Variants in CPVL observed in about 807,000 individuals in gnomAD.
The protein encoded by CPVL is carboxypeptidase vitellogenic like.
CPVL carries 51 observed loss-of-function variants against 63.7 expected under a neutral mutation model. The observed-to-expected ratio is 0.80, with a 90% CI of 0.64 to 1.01. The LOEUF is 1.01. Among genes scored for constraint, CPVL ranks in the 50% least tolerant of loss-of-function variants. CPVL has a pLI of 0.00. For synonymous variants in CPVL, 195 were observed against 206.0 expected (o/e 0.95, Z 0.46); for missense variants, 530 against 573.1 (o/e 0.92, Z 0.77).
chr7:29,128,966 G>C (rs1790385139), intron 1 of CPVL, among the ~76,000 whole-genome samples: 1 of 152,110 alleles, frequency 6.6e-6, no homozygotes, highest in African/African-American at 2.4e-5. Flanking sequence ...AGATAAAGCA[G>C]AGCTCCTAGA....
chr7:29,183,526 G>A lies in CPVL; in HGVS notation c.-134+895C>T, dbSNP rs149782461. Among the ~76,000 whole-genome samples the A allele has an allele frequency of 1.2e-4, 18 of 151,502 alleles. No homozygotes were observed. In the East Asian group the frequency reaches 3.5e-3, roughly 30 times the overall value. On this transcript the variant is annotated intron_variant, in intron 4 of 16. Transcript: ENST00000409850. The stretch of plus-strand genomic sequence containing the variant: ...CAAGTAGCTGGGTTTACAAGTGTGT[G>A]CCACCACACCTGGCTAACTTTTGTA...
intron 1 of CPVL, among the ~76,000 whole-genome samples, chr7:29,186,763 A>G (rs1168744251): frequency 6.6e-6 from 1 of 152,184 alleles, no homozygotes; most frequent in East Asian, 1.9e-4. Context: ...TGAAATTTCA[A>G]GTAAAAACTA....
intron 12 of CPVL, chr7:29,012,270 T>C (rs932380495): frequency 2.0e-5 from 3 of 152,188 alleles, no homozygotes; most frequent in Non-Finnish European, 4.4e-5. Flanking sequence ...CTGCAAACCA[T>C]CACTCTGGAT....
At chr7:29,119,128 C>G (rs534051931) in intron 2 of CPVL, among the ~76,000 whole-genome samples, 15 of 152,328 alleles carry the variant, frequency 9.8e-5, no homozygotes, top group African/African-American at 3.4e-4. Flanking sequence ...AGCTTAGGAA[C>G]CTACTGAAGT....
intron 2 of CPVL, among the ~76,000 whole-genome samples, chr7:29,120,448 A>AAT (rs745448244): frequency 0.019 from 2,817 of 147,566 alleles, 94 homozygotes; most frequent in African/African-American, 0.066. Flanking sequence ...AAACAAACAA[A>AAT]ATATATATAT....
At chr7:29,154,456 C>A (rs1276323773) in intron 5 of CPVL, among the ~76,000 whole-genome samples, 3 of 152,106 alleles carry the variant, frequency 2.0e-5, no homozygotes, top group African/African-American at 7.2e-5. Context: ...AAACTGGATT[C>A]TTTTTCAAAA....
At chr7:29,018,378 C>CTTT (rs70977092) in intron 12 of CPVL, among the ~76,000 whole-genome samples, 8,296 of 123,874 alleles carry the variant, frequency 0.067, 428 homozygotes, top group Middle Eastern at 0.082. Flanking sequence ...AATTTTTAAT[C>CTTT]TTTTTTTTTT....
intron 2 of CPVL, among the ~76,000 whole-genome samples, chr7:29,118,397 A>G (rs961793171): frequency 2.0e-4 from 30 of 152,356 alleles, no homozygotes; most frequent in African/African-American, 3.6e-4. Flanking sequence ...ATGTAATCCA[A>G]TTTGGAGGGT....
intron 11 of CPVL, among the ~76,000 whole-genome samples, chr7:29,054,022 T>A (rs1032617726): frequency 1.3e-5 from 2 of 151,992 alleles, no homozygotes; most frequent in East Asian, 3.9e-4. Context: ...CAGTAAGATA[T>A]GACCACACCA....
chr7:29,187,667 G>T (rs1291935980), intron 1 of CPVL, among the ~76,000 whole-genome samples: 2 of 152,046 alleles, frequency 1.3e-5, no homozygotes, highest in African/African-American at 4.8e-5. Context: ...GGCAGAGGTT[G>T]CAATGAGCCG....
At chr7:29,076,450 AGT>A (rs1784256184) in intron 7 of CPVL, among the ~76,000 whole-genome samples, 1 of 152,180 alleles carries the variant, frequency 6.6e-6, no homozygotes, top group Admixed American at 6.5e-5. Flanking sequence ...AAAGAGGAAA[AGT>A]GTGGCCAGAA....
rs1303830667 is a variant in CPVL at position 29,025,534 on chromosome 7, G to A, written c.1320+5043C>T. On this transcript the variant is annotated intron_variant, in intron 12 of 12. Coordinates refer to ENST00000265394, the MANE Select transcript of CPVL (RefSeq NM_031311.5). ...CCATCAGACCCCATCTCCAATATTGGGAATCACATTTCAGCTTGAGACTTG... is the reference window on the plus strand; with the variant it reads ...CCATCAGACCCCATCTCCAATATTGAGAATCACATTTCAGCTTGAGACTTG... Among the ~76,000 whole-genome samples the A allele has an allele frequency of 3.3e-5, 5 of 151,948 alleles. No individual in the cohort carries two copies. The South Asian group carries it at 8.3e-4, about 25-fold the overall frequency.
Position 29,112,082 on chromosome 7 carries a change from G to A in CPVL, c.288+622C>T, listed in dbSNP as rs547912127. Among the ~76,000 whole-genome samples, 27 of 152,332 alleles carry A rather than the reference G, an allele frequency of 1.8e-4. No individual in the cohort carries two copies. The South Asian group carries it at 2.1e-3, about 12-fold the overall frequency. ...GAAGTAGAAAAACATACCCACCTCT[G>A]TCTATAGAGATTTGGGAAAGTGATG... On this transcript the variant is annotated intron_variant, in intron 3 of 12. Transcript: ENST00000265394.
intron 4 of CPVL, among the ~76,000 whole-genome samples, chr7:29,183,445 C>T (rs948308272): frequency 2.7e-5 from 4 of 150,666 alleles, no homozygotes; most frequent in African/African-American, 7.4e-5. Context: ...GGCATGATCT[C>T]GGCTCACTGC....
chr7:29,063,745 A>G (rs1782859464), intron 11 of CPVL, among the ~76,000 whole-genome samples: 1 of 151,772 alleles, frequency 6.6e-6, no homozygotes, highest in Admixed American at 6.6e-5. Context: ...TAGTTTTTGT[A>G]TTTTTTAGTA....
intron 5 of CPVL, among the ~76,000 whole-genome samples, chr7:29,159,930 C>T (rs1794950124): frequency 6.6e-6 from 1 of 152,140 alleles, no homozygotes; most frequent in Admixed American, 6.5e-5. Context: ...TTAATTGTCC[C>T]CAAATGGCAT....
intron 11 of CPVL, among the ~76,000 whole-genome samples, chr7:29,039,804 A>G (rs964014771): frequency 2.0e-5 from 3 of 152,226 alleles, no homozygotes; most frequent in African/African-American, 7.2e-5. Context: ...AGGAAAGCAA[A>G]TTGTGCTTTT....
At chr7:29,182,043 A>G (rs925389285) in intron 4 of CPVL, among the ~76,000 whole-genome samples, 3 of 152,220 alleles carry the variant, frequency 2.0e-5, no homozygotes, top group African/African-American at 7.2e-5. Context: ...AATTATAACT[A>G]TTTCTTTCAG....
intron 7 of CPVL, among the ~76,000 whole-genome samples, chr7:29,086,241 G>A (rs111763451): frequency 1.1e-4 from 17 of 152,060 alleles, no homozygotes; most frequent in African/African-American, 3.4e-4. Flanking sequence ...GCAGTGAGCC[G>A]AGATCACGCC....
Sources: allele counts gnomAD v4.1 joint callset (sites outside exome capture counted in the v4.1 genomes callset), GRCh38; gene constraint gnomAD v4.1.1; transcripts MANE v1.5; gene names NCBI Gene and HGNC (gene_info 2026-07-23, HGNC 2026-07-21).